The following HOXB3 variants were observed in gnomAD, a reference collection of about 807,000 sequenced individuals.
HOXB3 encodes homeobox protein Hox-B3.
A neutral mutation model predicts 29.2 loss-of-function variants in HOXB3; 17 were observed. The observed-to-expected ratio is 0.58, with a 90% confidence interval of 0.40 to 0.87. The LOEUF (loss-of-function observed/expected upper bound fraction) is 0.87. HOXB3 is among the 40% of genes least tolerant of loss of function. The pLI, the probability that HOXB3 is intolerant of heterozygous loss-of-function variation, is 0.00. For missense variants in HOXB3, 637 were observed against 616.3 expected (o/e 1.03, Z -0.35); for synonymous variants, 317 against 285.9 (o/e 1.11, Z -1.10).
At chr17:48,561,593 T>G (rs533000994) in intron 2 of HOXB3, among the ~76,000 whole-genome samples, 38 of 152,378 alleles carry the variant, frequency 2.5e-4, no homozygotes, top group Admixed American at 2.3e-3. Flanking sequence ...TGCACTGTCC[T>G]GCTGAGGATG....
At chr17:48,564,349 T>TC (rs940961817) in intron 2 of HOXB3, among the ~76,000 whole-genome samples, 8 of 151,766 alleles carry the variant, frequency 5.3e-5, no homozygotes, top group African/African-American at 1.9e-4. Context: ...TCCTAGTCGC[T>TC]CAACCCGCAG....
rs72829847 is a variant in HOXB3 at position 48,549,122 on chromosome 17, G to A, written c.*1212C>T. On this transcript the variant is annotated 3_prime_UTR_variant, in exon 5 of 5. Coordinates refer to ENST00000498678, the MANE Select transcript of HOXB3 (RefSeq NM_001384749.1). ...GAGTACAATAGTAACTAAAATAGCT[G>A]GTTTTACATGACAGGAAACACAATG... 0.042 allele frequency: 6,394 copies of A among 152,544 alleles called. 171 individuals are homozygous for A. Among genetic ancestry groups the A allele is most frequent in the South Asian group, 0.074 (356 of 4,810 alleles). 9.4% of individuals were successfully genotyped at this position (152,544 alleles called of 1,614,324 possible).
chr17:48,573,057 A>G (rs764374512), intron 2 of HOXB3, among the ~76,000 whole-genome samples: 1 of 152,010 alleles, frequency 6.6e-6, no homozygotes, highest in Non-Finnish European at 1.5e-5. Context: ...GAGCCCACTG[A>G]CTCCCTCAGC....
intron 2 of HOXB3, among the ~76,000 whole-genome samples, chr17:48,562,704 C>T (rs2069241453): frequency 6.6e-6 from 1 of 152,186 alleles, no homozygotes; most frequent in Non-Finnish European, 1.5e-5. Flanking sequence ...TCTCAGATTT[C>T]ATTGGTGCGG....
At chr17:48,567,044 T>C (rs1374554138) in intron 2 of HOXB3, among the ~76,000 whole-genome samples, 1 of 152,148 alleles carries the variant, frequency 6.6e-6, no homozygotes, top group East Asian at 1.9e-4. Flanking sequence ...TATCCAGACT[T>C]TTCCCTAGTT....
intron 1 of HOXB3, chr17:48,575,147 A>AT (rs1310417780): frequency 2.0e-5 from 3 of 152,318 alleles, no homozygotes; most frequent in East Asian, 3.9e-4. Flanking sequence ...ACCGCATTTT[A>AT]TTTGCTTATG....
At position 48,552,605 on chromosome 17, in the gene HOXB3, C is replaced by T. The variant is rs2144746858; in HGVS notation, c.-131G>A. On this transcript the variant is annotated 5_prime_UTR_variant, in exon 4 of 5. Transcript: ENST00000498678. ...CCCCACCTCCCCTCTCTGCCCCCCT[C>T]CTCCGGGGTCTGTTCCAAGCGGCTG... 2 of 686,710 alleles carry T rather than the reference C, an allele frequency of 2.9e-6. No homozygotes were observed. Among genetic ancestry groups the T allele is most frequent in the Non-Finnish European group, 4.9e-6 (2 of 410,304 alleles). The allele number at this position is 686,710 out of a possible 1,614,324, so 42.5% of individuals were successfully genotyped here. A position where few individuals can be genotyped will look rare whatever the true frequency, so the allele number is the denominator to read the frequency against.
chr17:48,577,951 G>T, intron 1 of HOXB3: 1 of 1,322,346 alleles, frequency 7.6e-7, no homozygotes. Context: ...GGGGGTTCTG[G>T]GCGCAGGGAG....
chr17:48,571,987 T>C (rs2069599589), intron 2 of HOXB3, among the ~76,000 whole-genome samples: 1 of 152,234 alleles, frequency 6.6e-6, no homozygotes, highest in South Asian at 2.1e-4. Flanking sequence ...AGCCAGCGTC[T>C]GTCTGTATCT....
rs766197419 is a variant in HOXB3 at position 48,552,199 on chromosome 17, G to T, written c.276C>A (p.Pro92=). 1 of 1,613,532 alleles carries T rather than the reference G, an allele frequency of 6.2e-7. No individual in the cohort carries two copies. The highest frequency in any genetic ancestry group is 1.1e-5 in the South Asian group (1 of 91,060). The change falls in exon 4 of 5, where the codon CCC becomes CCA. Residue 92 remains proline, a synonymous_variant. Transcript: ENST00000498678. ...TAGTGGCACTGGTAGGTGCGGCACT[G>T]GGCGGGGGTGAGCCAGGCGGGGCCG... ...PLSAPPGSPP[P]SAAPTSATSN...
chr17:48,576,532 C>G (rs1039423503), intron 1 of HOXB3: 4 of 462,160 alleles, frequency 8.7e-6, no homozygotes, highest in Non-Finnish European at 1.5e-5. Flanking sequence ...CCGTGGCCCT[C>G]TATTGTCATT....
chr17:48,550,569 C>T lies in HOXB3; in HGVS notation c.1061G>A (p.Gly354Asp). The change falls in exon 5 of 5, where the codon GGC becomes GAC. Residue 354 changes from glycine (G) to aspartate (D), a missense_variant. Gly to Asp is a moderately conservative substitution (Grantham distance 94, BLOSUM62 -1). Transcript: ENST00000498678. Reference protein sequence around the residue: ...PTMQGSPVYVGGGGYADPLPP... With the variant: ...PTMQGSPVYVDGGGYADPLPP... ...CAGCGGATCCGCGTAGCCGCCCCCG[C>T]CCACGTACACCGGACTGCCCTGCAT... 2 of 1,527,386 alleles carry T rather than the reference C, an allele frequency of 1.3e-6. No individual in the cohort carries two copies. Among genetic ancestry groups the T allele is most frequent in the South Asian group, 1.3e-5 (1 of 76,486 alleles). The allele number at this position is 1,527,386 out of a possible 1,614,324, so 94.6% of individuals were successfully genotyped here.
intron 2 of HOXB3, among the ~76,000 whole-genome samples, chr17:48,564,990 G>C (rs771410662): frequency 1.3e-5 from 2 of 150,628 alleles, no homozygotes; most frequent in Non-Finnish European, 3.0e-5. Context: ...GAGATTAGTA[G>C]GGGAAGCATC....
Position 48,565,930 on chromosome 17 carries a change from G to A in HOXB3, c.-247+7907C>T, listed in dbSNP as rs1262251235. ...ATCCTGCTGCTTGTTCTCTCTCTGG[G>A]TCCCTCTCTTCCTCATCTCACTCTT... On this transcript the variant is annotated intron_variant, in intron 2 of 4. Transcript: ENST00000498678. Among the ~76,000 whole-genome samples, 8 of 152,224 alleles carry A rather than the reference G, an allele frequency of 5.3e-5. No homozygotes were observed. The South Asian group carries it at 1.5e-3, about 28-fold the overall frequency.
chr17:48,553,773 A>G (rs930270158), intron 3 of HOXB3: 2 of 151,978 alleles, frequency 1.3e-5, no homozygotes, highest in African/African-American at 2.4e-5. Flanking sequence ...TCAAACTAAC[A>G]TAGGATTTTG....
chr17:48,555,683 G>A (rs1464138882), intron 2 of HOXB3, 65 bp from the exon 3 acceptor site: 1 of 332,714 alleles, frequency 3.0e-6, no homozygotes, highest in African/African-American at 4.6e-5. Flanking sequence ...CCCCGCCCCC[G>A]CCCCGCAAAG....
At chr17:48,576,800 G>C in intron 1 of HOXB3, 1 of 1,614,230 alleles carries the variant, frequency 6.2e-7, no homozygotes, top group Non-Finnish European at 8.5e-7. Context: ...AGCGGATCTT[G>C]GTGTTGGGCA....
chr17:48,585,423 G>A (rs965579419), intron 1 of HOXB3, among the ~76,000 whole-genome samples: 2 of 152,154 alleles, frequency 1.3e-5, no homozygotes, highest in African/African-American at 4.8e-5. Context: ...TGTGCTCACA[G>A]GGCTAGAGGG....
At chr17:48,576,838 G>T in intron 1 of HOXB3, 1 of 1,614,240 alleles carries the variant, frequency 6.2e-7, no homozygotes. Flanking sequence ...CACTTCATGC[G>T]CCGGTTCTGG....
Sources: allele counts gnomAD v4.1 joint callset (sites outside exome capture counted in the v4.1 genomes callset), GRCh38; gene constraint gnomAD v4.1.1; transcripts MANE v1.5; gene names NCBI Gene and HGNC (gene_info 2026-07-23, HGNC 2026-07-21).